The following THSD7A variants were observed in gnomAD, a reference collection of about 807,000 sequenced individuals.
THSD7A encodes the protein thrombospondin type 1 domain containing 7A, also known as thrombospondin type-1 domain-containing protein 7A.
In THSD7A, 96 loss-of-function variants were observed where a neutral mutation model predicts 231.3. The ratio of observed to expected loss-of-function variants is 0.41; its 90% CI spans 0.35 to 0.49. The LOEUF (loss-of-function observed/expected upper bound fraction) is 0.49, where lower values mean the gene tolerates loss of function less well. THSD7A is among the 20% of genes least tolerant of loss of function. The pLI is 0.05. For synonymous variants in THSD7A, 940 were observed against 743.3 expected (o/e 1.26, Z -4.30); for missense variants, 2,290 against 2,070.2 (o/e 1.11, Z -2.06).
chr7:11,809,525 T>C (rs1161750692), intron 1 of THSD7A, among the ~76,000 whole-genome samples: 2 of 152,208 alleles, frequency 1.3e-5, no homozygotes, highest in Admixed American at 6.5e-5. Flanking sequence ...GTTCACTTAT[T>C]GCAGGAAGAT....
intron 11 of THSD7A, among the ~76,000 whole-genome samples, chr7:11,455,033 T>G (rs944057229): frequency 6.6e-6 from 1 of 152,026 alleles, no homozygotes; most frequent in Admixed American, 6.6e-5. Flanking sequence ...GTCATGAGTG[T>G]GAGGTTCCTA....
At position 11,374,099 on chromosome 7, in the gene THSD7A, C is replaced by T. The variant is rs1443155941; in HGVS notation, c.*1695G>A. 2.0e-5 allele frequency: 3 copies of T among 151,976 alleles called. No individual in the cohort carries two copies. The highest frequency in any genetic ancestry group is 7.3e-5 in the African/African-American group (3 of 41,374). The allele number at this position is 151,976 out of a possible 1,614,324, so 9.4% of individuals were successfully genotyped here. On this transcript the variant is annotated 3_prime_UTR_variant, in exon 28 of 28. Coordinates refer to ENST00000423059, the MANE Select transcript of THSD7A (RefSeq NM_015204.3). ...AAATGAATGAAAACGAAAGATGACA[C>T]CATGGAGAGCTAGCATTAAAAAACA...
Position 11,777,203 on chromosome 7 carries a change from C to T in THSD7A, c.190+54554G>A, listed in dbSNP as rs61537052. Among the ~76,000 whole-genome samples the T allele has an allele frequency of 2.0e-3, 304 of 152,176 alleles. 2 individuals are homozygous for T. The highest frequency in any genetic ancestry group is 7.0e-3 in the African/African-American group (289 of 41,512). ...GATGTGAACTCATATTTGTCTCCAC[C>T]GGCATAAGGGGACATTTGGTGCCAT... On this transcript the variant is annotated intron_variant, in intron 1 of 27. Transcript: ENST00000423059.
At chr7:11,517,426 T>TA (rs35838306) in intron 6 of THSD7A, among the ~76,000 whole-genome samples, 111,051 of 149,138 alleles carry the variant, frequency 0.74, 41,589 homozygotes, top group Middle Eastern at 0.86. Context: ...TTTAAAGAGT[T>TA]AAAAAAAAAA....
At chr7:11,796,035 T>C (rs1327050102) in intron 1 of THSD7A, among the ~76,000 whole-genome samples, 1 of 7,954 alleles carries the variant, frequency 1.3e-4, no homozygotes, top group Non-Finnish European at 2.6e-4. Flanking sequence ...AAATTAGCCA[T>C]ATATATATAT....
At chr7:11,437,353 T>A (rs1784665389) in intron 13 of THSD7A, among the ~76,000 whole-genome samples, 1 of 152,082 alleles carries the variant, frequency 6.6e-6, no homozygotes, top group Admixed American at 6.6e-5. Flanking sequence ...CTCCACACCT[T>A]ATTTAAATTC....
intron 4 of THSD7A, among the ~76,000 whole-genome samples, chr7:11,569,023 C>T (rs1790507523): frequency 6.7e-6 from 1 of 149,962 alleles, no homozygotes. Flanking sequence ...TATCTCTCAC[C>T]ACACACAAAA....
At chr7:11,579,883 A>G (rs1791082497) in intron 4 of THSD7A, among the ~76,000 whole-genome samples, 1 of 152,174 alleles carries the variant, frequency 6.6e-6, no homozygotes, top group African/African-American at 2.4e-5. Flanking sequence ...TCTGTTTCTC[A>G]TCTTAAAGTA....
At chr7:11,468,765 C>G (rs1024259936) in intron 9 of THSD7A, among the ~76,000 whole-genome samples, 1 of 152,058 alleles carries the variant, frequency 6.6e-6, no homozygotes, top group Non-Finnish European at 1.5e-5. Context: ...ACCCAGGAGG[C>G]TGAGGTTGCA....
chr7:11,639,359 G>GGCA (rs1781988234), intron 1 of THSD7A, among the ~76,000 whole-genome samples: 1 of 152,112 alleles, frequency 6.6e-6, no homozygotes, highest in African/African-American at 2.4e-5. Context: ...TTTTTAGGTA[G>GGCA]GCAGCACTAT....
intron 6 of THSD7A, among the ~76,000 whole-genome samples, chr7:11,505,449 T>TG (rs1389615737): frequency 2.6e-5 from 4 of 151,672 alleles, no homozygotes; most frequent in African/African-American, 9.7e-5. Flanking sequence ...GTGTAAAGTT[T>TG]TTTTTTTTTT....
At chr7:11,486,949 G>A (rs967865233) in intron 6 of THSD7A, among the ~76,000 whole-genome samples, 1 of 152,114 alleles carries the variant, frequency 6.6e-6, no homozygotes, top group South Asian at 2.1e-4. Flanking sequence ...AATACCCTAC[G>A]AAAGAGGTTG....
intron 6 of THSD7A, among the ~76,000 whole-genome samples, chr7:11,502,079 GA>G (rs1341071989): frequency 6.6e-6 from 1 of 151,852 alleles, no homozygotes; most frequent in South Asian, 2.1e-4. Context: ...ACTGAACCAG[GA>G]AAAAAATTGA....
chr7:11,411,251 C>T lies in THSD7A; in HGVS notation c.3754G>A (p.Val1252Ile). 6.2e-7 allele frequency: 1 copy of T among 1,613,928 alleles called. No homozygotes were observed. The highest frequency in any genetic ancestry group is 8.5e-7 in the Non-Finnish European group (1 of 1,179,838). ...TCAACTGACTTGCCATCACTTCGAA[C>T]ACAATCCAACATCCTTGTTTTTATT... ...NGIKTRMLDC[V>I]RSDGKSVDLK... The change falls in exon 19 of 28, where the codon GTT becomes ATT. Residue 1252 changes from valine to isoleucine, a missense_variant. Coordinates refer to ENST00000423059, the MANE Select transcript of THSD7A (RefSeq NM_015204.3). This position sits in a 1 kb window ranked among gnomAD's most constrained non-coding sequence, Gnocchi z 4.1.
intron 1 of THSD7A, among the ~76,000 whole-genome samples, chr7:11,730,029 T>C (rs1039351349): frequency 6.6e-6 from 1 of 151,666 alleles, no homozygotes; most frequent in African/African-American, 2.4e-5. Context: ...CAACATCACT[T>C]TCTACAATTG....
chr7:11,425,731 TACACACACACACACAC>T (rs3086973), intron 15 of THSD7A, among the ~76,000 whole-genome samples: 2 of 145,708 alleles, frequency 1.4e-5, no homozygotes, highest in African/African-American at 2.6e-5. Flanking sequence ...TCCCTTATTT[TACACACACACACACAC>T]ACACACACAC....
At chr7:11,393,283 G>A (rs535489139) in intron 23 of THSD7A, among the ~76,000 whole-genome samples, 1 of 152,156 alleles carries the variant, frequency 6.6e-6, no homozygotes, top group South Asian at 2.1e-4. Context: ...CTGCAGCAGA[G>A]GGTCCTGACT....
intron 2 of THSD7A, among the ~76,000 whole-genome samples, chr7:11,595,130 G>A (rs1259557104): frequency 1.3e-5 from 2 of 152,156 alleles, no homozygotes; most frequent in Non-Finnish European, 2.9e-5. Context: ...CTCCCCTGAG[G>A]CAGTTGCCAG....
At chr7:11,479,050 T>G (rs1042015266) in intron 7 of THSD7A, among the ~76,000 whole-genome samples, 1 of 152,212 alleles carries the variant, frequency 6.6e-6, no homozygotes, top group Non-Finnish European at 1.5e-5. Context: ...ACATGAAGAT[T>G]GTGGAACCAG....
Sources: gnomAD v4.1 joint callset for allele counts (sites outside exome capture counted in the v4.1 genomes callset) on GRCh38, gnomAD v4.1.1 for gene constraint, Gnocchi (gnomAD v3.1) non-coding constraint, MANE v1.5 for transcripts, NCBI Gene and HGNC (gene_info 2026-07-23, HGNC 2026-07-21) for gene names.